Variants in TBCD observed in about 807,000 individuals in gnomAD.
TBCD encodes the protein tubulin-specific chaperone D.
TBCD carries 105 observed loss-of-function variants against 169.3 expected under a neutral mutation model. The observed-to-expected ratio is 0.62, with a 90% CI of 0.53 to 0.73. TBCD has a LOEUF of 0.73. Among genes scored for constraint, TBCD ranks in the 30% least tolerant of loss-of-function variants. The pLI, the probability that TBCD is intolerant of heterozygous loss-of-function variation, is 0.00. For missense variants in TBCD, 1,444 were observed against 1,600.1 expected (o/e 0.90, Z 1.66); for synonymous variants, 700 against 643.9 (o/e 1.09, Z -1.32).
chr17:82,799,730 C>T (rs1306766835), intron 8 of TBCD, among the ~76,000 whole-genome samples: 1 of 152,224 alleles, frequency 6.6e-6, no homozygotes, highest in African/African-American at 2.4e-5. Context: ...CGCGAGCAGC[C>T]GTTGCCAGGC....
Position 82,927,981 on chromosome 17 carries a change from G to A in TBCD, c.2686G>A (p.Ala896Thr), listed in dbSNP as rs990241186. 3.4e-5 allele frequency: 55 copies of A among 1,610,608 alleles called. No homozygotes were observed. Among genetic ancestry groups the A allele is most frequent in the Non-Finnish European group, 4.2e-5 (49 of 1,179,378 alleles). Residue 896 changes from alanine to threonine, a missense_variant, in exon 30 of 39, where the codon GCC becomes ACC. Coordinates refer to ENST00000355528, the MANE Select transcript of TBCD (RefSeq NM_005993.5). Reference protein sequence around the residue: ...LARSQPELIEAHTCERIMCCV... With the variant: ...LARSQPELIETHTCERIMCCV... The stretch of plus-strand genomic sequence containing the variant: ...TCGGAGCCAGCCTGAGCTGATCGAG[G>A]CCCATACGTGAGTGTCACGTCGCAG...
chr17:82,825,427 T>C (rs2052757600), intron 13 of TBCD, among the ~76,000 whole-genome samples: 1 of 152,156 alleles, frequency 6.6e-6, no homozygotes, highest in South Asian at 2.1e-4. Flanking sequence ...ATATTTTTGT[T>C]CTTTGCCAAA....
At chr17:82,851,949 A>T (rs1215680422) in intron 13 of TBCD, among the ~76,000 whole-genome samples, 3 of 152,200 alleles carry the variant, frequency 2.0e-5, no homozygotes, top group Admixed American at 2.0e-4. Context: ...TCTGCTTGTA[A>T]GCGGGAACGA....
rs993272710 is a variant in TBCD at position 82,833,165 on chromosome 17, C to T, written c.1318+18231C>T. 2.0e-5 allele frequency among the ~76,000 whole-genome samples: 3 copies of T among 152,026 alleles called. No individual in the cohort carries two copies. Among genetic ancestry groups the T allele is most frequent in the African/African-American group, 7.2e-5 (3 of 41,382 alleles). On this transcript the variant is annotated intron_variant, in intron 13 of 38. Coordinates refer to ENST00000355528, the MANE Select transcript of TBCD (RefSeq NM_005993.5). The surrounding 1 kb of genome is among the most constrained non-coding windows in gnomAD (Gnocchi z 4.7). ...GTGGCTGTTTCCCCTTAACATGTAC[C>T]CACAGTCACAGAGTGCCCCTCACTT... is the stretch of plus-strand genomic sequence containing the variant.
chr17:82,769,659 G>A (rs1420120568), intron 5 of TBCD, among the ~76,000 whole-genome samples: 1 of 151,924 alleles, frequency 6.6e-6, no homozygotes, highest in East Asian at 1.9e-4. Flanking sequence ...GGCAGATCAC[G>A]TGAGGTTAGG....
rs1335319573 is a variant in TBCD, at chr17:82,854,009, AG to A, written c.1319-16211del. 5.3e-5 allele frequency among the ~76,000 whole-genome samples: 8 copies of A among 151,962 alleles called. No individual in the cohort carries two copies. In the South Asian group the frequency reaches 1.4e-3, roughly 28 times the overall value. ...TCTATTCTGTTTCCTGTGTTTCTTC[AG>A]GGGTCGTATTCAGCTTGTACCACGA... On this transcript the variant is annotated intron_variant, in intron 13 of 38. Transcript: ENST00000355528.
chr17:82,838,985 A>G (rs936872804), intron 13 of TBCD: 2 of 985,126 alleles, frequency 2.0e-6, no homozygotes, highest in African/African-American at 3.5e-5. Flanking sequence ...CCTCCAAATC[A>G]AGTTTATGAG....
Position 82,920,419 on chromosome 17 carries a change from C to A in TBCD, c.2039-137C>A. ...AAATGGTTCTGGGATGTTTCCAGCCCTGGCAGCAGGGTAGGTTGGGCGGGT... is the reference window on the plus strand; with the variant it reads ...AAATGGTTCTGGGATGTTTCCAGCCATGGCAGCAGGGTAGGTTGGGCGGGT... On this transcript the variant is annotated intron_variant, in intron 23 of 38. Transcript: ENST00000355528. The surrounding 1 kb of genome is among the most constrained non-coding windows in gnomAD (Gnocchi z 4.1). The A allele has an allele frequency of 1.4e-6, 1 of 721,268 alleles. No homozygotes were observed. Among genetic ancestry groups the A allele is most frequent in the Non-Finnish European group, 2.3e-6 (1 of 428,868 alleles). 44.7% of individuals were successfully genotyped at this position (721,268 alleles called of 1,614,324 possible).
chr17:82,816,674 C>T (rs927776646), intron 13 of TBCD, among the ~76,000 whole-genome samples: 12 of 151,824 alleles, frequency 7.9e-5, no homozygotes, highest in African/African-American at 2.7e-4. Flanking sequence ...GCTGGGACCA[C>T]CGGTGCCCAC....
Position 82,781,829 on chromosome 17 carries a change from G to A in TBCD, c.771+108G>A, listed in dbSNP as rs1568123855. ...TCCATCTTGACGTAATTGGAACCCCGTGGGATTGATTTAACCGGGCCAGGG... is the reference window on the plus strand; with the variant it reads ...TCCATCTTGACGTAATTGGAACCCCATGGGATTGATTTAACCGGGCCAGGG... On this transcript the variant is annotated intron_variant, in intron 7 of 38. Coordinates refer to ENST00000355528, the MANE Select transcript of TBCD (RefSeq NM_005993.5). 12 of 1,512,244 alleles carry A rather than the reference G, an allele frequency of 7.9e-6. No homozygotes were observed. In the East Asian group the frequency reaches 9.1e-5, roughly 11 times the overall value. 93.7% of individuals were successfully genotyped at this position (1,512,244 alleles called of 1,614,324 possible).
chr17:82,786,378 G>T (rs1167341247), intron 7 of TBCD, among the ~76,000 whole-genome samples: 1 of 152,212 alleles, frequency 6.6e-6, no homozygotes, highest in Non-Finnish European at 1.5e-5. Flanking sequence ...CCCGAGTGTG[G>T]TGCCTCTGCA....
Position 82,832,514 on chromosome 17 carries a change from G to C in TBCD, c.1318+17580G>C. 6.8e-7 allele frequency: 1 copy of C among 1,461,330 alleles called. No homozygotes were observed. The highest frequency in any genetic ancestry group is 9.5e-7 in the Non-Finnish European group (1 of 1,054,628). The allele number at this position is 1,461,330 out of a possible 1,614,324, so 90.5% of individuals were successfully genotyped here. On this transcript the variant is annotated intron_variant, in intron 13 of 38. Coordinates refer to ENST00000355528, the MANE Select transcript of TBCD (RefSeq NM_005993.5). This position sits in a 1 kb window ranked among gnomAD's most constrained non-coding sequence, Gnocchi z 4.9. ...GTGGCGTGATCACTGTCGACGCCGC[G>C]TGCACTTCGTGGTTTCTAAAGAGGC...
chr17:82,879,394 C>T (rs898004655), intron 14 of TBCD, among the ~76,000 whole-genome samples: 3 of 152,184 alleles, frequency 2.0e-5, no homozygotes, highest in Non-Finnish European at 4.4e-5. Context: ...TGCCGTGCGT[C>T]TGCCGTCATG....
At chr17:82,830,861 C>G (rs762115687) in intron 13 of TBCD, 3 of 1,612,744 alleles carry the variant, frequency 1.9e-6, no homozygotes, top group African/African-American at 1.3e-5. Context: ...GGAGGGTCTC[C>G]GTTCACAACA....
intron 12 of TBCD, 102 bp downstream of exon 12, chr17:82,809,884 T>C (rs927559128): frequency 5.6e-6 from 6 of 1,075,134 alleles, no homozygotes; most frequent in Non-Finnish European, 8.2e-6. Flanking sequence ...GAGCTGTTTG[T>C]CAGAACTCCA....
In TBCD at chr17:82,769,418, G is replaced by A. The variant is rs541547888; in HGVS notation, c.582+852G>A. ...GTCACCGAGTCCAGCCTACGCAAGCGAGCACTAGGAGGCTGTCAGGCTCTG... is the reference window on the plus strand; with the variant it reads ...GTCACCGAGTCCAGCCTACGCAAGCAAGCACTAGGAGGCTGTCAGGCTCTG... On this transcript the variant is annotated intron_variant, in intron 5 of 38. Coordinates refer to ENST00000355528, the MANE Select transcript of TBCD (RefSeq NM_005993.5). Among the ~76,000 whole-genome samples the A allele has an allele frequency of 6.2e-4, 94 of 152,162 alleles. 1 individual carries two copies. The highest frequency in any genetic ancestry group is 1.2e-3 in the Non-Finnish European group (82 of 68,032).
intron 13 of TBCD, among the ~76,000 whole-genome samples, chr17:82,865,814 G>A (rs1567917044): frequency 6.6e-6 from 1 of 152,228 alleles, no homozygotes; most frequent in Admixed American, 6.5e-5. Context: ...TTGCAGTGGG[G>A]ACTGTGGTGC....
At chr17:82,936,435 TTGGC>T (rs971483556) in intron 34 of TBCD, among the ~76,000 whole-genome samples, 1 of 152,244 alleles carries the variant, frequency 6.6e-6, no homozygotes, top group Non-Finnish European at 1.5e-5. Flanking sequence ...TCCTGCCTGT[TTGGC>T]TGGGTGTGTC....
At chr17:82,895,964 C>T (rs1029685038) in intron 17 of TBCD, 4 of 152,142 alleles carry the variant, frequency 2.6e-5, no homozygotes, top group Admixed American at 2.6e-4. Flanking sequence ...GTAAACGACC[C>T]CCAGTAAGCT....
Sources: gnomAD v4.1 joint callset for allele counts (sites outside exome capture counted in the v4.1 genomes callset) on GRCh38, gnomAD v4.1.1 for gene constraint, Gnocchi (gnomAD v3.1) non-coding constraint, MANE v1.5 for transcripts, NCBI Gene and HGNC (gene_info 2026-07-23, HGNC 2026-07-21) for gene names.